MDFIC: variants seen among roughly 807,000 people sequenced by gnomAD.
The protein encoded by MDFIC is myoD family inhibitor domain-containing protein.
MDFIC carries 17 observed loss-of-function variants against 23.2 expected under a neutral mutation model. That is an observed-to-expected ratio of 0.73 (90% CI 0.50 to 1.10). MDFIC has a LOEUF of 1.10. Ranked by LOEUF, MDFIC falls within the 50% of genes least tolerant of loss-of-function variation. The probability of loss-of-function intolerance (pLI) is 0.00; values close to 1 mark genes in which losing one functional copy is unlikely to be tolerated. For synonymous variants in MDFIC, 120 were observed against 115.2 expected, an observed-to-expected ratio of 1.04 and a Z score of -0.27; for missense variants, 356 against 316.6, an observed-to-expected ratio of 1.12 and a Z score of -0.95.
chr7:114,961,018 G>T (rs914521443), intron 3 of MDFIC, among the ~76,000 whole-genome samples: 10 of 152,150 alleles, frequency 6.6e-5, no homozygotes, highest in Non-Finnish European at 1.3e-4. Context: ...GCTCTTGGAA[G>T]ATGGGATGAA....
At chr7:115,013,579 A>G (rs1287781376) in intron 4 of MDFIC, among the ~76,000 whole-genome samples, 1 of 152,226 alleles carries the variant, frequency 6.6e-6, no homozygotes, top group African/African-American at 2.4e-5. Flanking sequence ...TCAGTGAGGT[A>G]TTGTTGGAAT....
intron 4 of MDFIC, among the ~76,000 whole-genome samples, chr7:114,989,968 T>C (rs1384192450): frequency 2.0e-5 from 3 of 152,170 alleles, no homozygotes; most frequent in Non-Finnish European, 2.9e-5. Context: ...TAATTGAATT[T>C]AATCATAGCT....
At chr7:114,956,358 C>CAT (rs10671125) in intron 3 of MDFIC, among the ~76,000 whole-genome samples, 62,945 of 149,542 alleles carry the variant, frequency 0.42, 13,278 homozygotes, top group Middle Eastern at 0.46. Flanking sequence ...TACACACACA[C>CAT]ATATATATAT....
chr7:115,015,990 G>T lies in MDFIC; in HGVS notation c.*55G>T, dbSNP rs1019449907. ...GAGAGTGTTTAAAAATTTCCTTTTG[G>T]GGGGAAGAAAAGCACATTGTAAGAT... On this transcript the variant is annotated 3_prime_UTR_variant, in exon 5 of 5. Coordinates refer to ENST00000393486, the MANE Select transcript of MDFIC (RefSeq NM_001166345.3). The T allele has an allele frequency of 3.2e-6, 5 of 1,539,806 alleles. No homozygotes were observed. Among genetic ancestry groups the T allele is most frequent in the Admixed American group, 3.7e-5 (2 of 54,474 alleles).
intron 4 of MDFIC, among the ~76,000 whole-genome samples, chr7:114,986,002 C>T (rs947905465): frequency 1.3e-5 from 2 of 151,236 alleles, no homozygotes; most frequent in Admixed American, 6.6e-5. Context: ...ATTAACCTGC[C>T]CTACCATCTG....
intron 4 of MDFIC, among the ~76,000 whole-genome samples, chr7:114,989,161 G>C (rs188723784): frequency 6.6e-6 from 1 of 152,208 alleles, no homozygotes; most frequent in South Asian, 2.1e-4. Context: ...GGGGGAGACA[G>C]ACTGGAGATA....
chr7:114,956,863 T>G (rs961603452), intron 3 of MDFIC, among the ~76,000 whole-genome samples: 1 of 152,172 alleles, frequency 6.6e-6, no homozygotes, highest in African/African-American at 2.4e-5. Flanking sequence ...ATCTGAATAC[T>G]TAAAGACCTT....
rs763200345 is a variant in MDFIC, at chr7:114,922,909, T to C, written c.-107-18T>C. The C allele has an allele frequency of 3.2e-6, 5 of 1,573,558 alleles. No individual in the cohort carries two copies. Among genetic ancestry groups the C allele is most frequent in the Admixed American group, 1.8e-5 (1 of 56,514 alleles). Reference sequence around the variant, plus strand: ...CTAAAAACATTTTTTTTTTTAATTTTGTATATTTTTCCGCCAGAAGCAGTC... The same window carrying C: ...CTAAAAACATTTTTTTTTTTAATTTCGTATATTTTTCCGCCAGAAGCAGTC... On this transcript the variant is annotated intron_variant, in intron 1 of 4. Transcript: ENST00000393486.
At chr7:114,951,675 G>A (rs886957258) in intron 3 of MDFIC, among the ~76,000 whole-genome samples, 8 of 151,154 alleles carry the variant, frequency 5.3e-5, no homozygotes, top group Non-Finnish European at 1.2e-4. Context: ...TTTTTCCCAT[G>A]AAGTGAATTA....
intron 2 of MDFIC, among the ~76,000 whole-genome samples, chr7:114,938,257 G>A (rs1375128826): frequency 2.0e-5 from 3 of 152,116 alleles, no homozygotes; most frequent in Non-Finnish European, 4.4e-5. Context: ...TGCCCAGCCA[G>A]ATTTTGTATT....
chr7:114,940,554 T>A (rs888791763), intron 2 of MDFIC, among the ~76,000 whole-genome samples: 2 of 152,232 alleles, frequency 1.3e-5, no homozygotes, highest in Admixed American at 6.5e-5. Context: ...TTTCTTAATA[T>A]ATTCACTCTT....
intron 3 of MDFIC, among the ~76,000 whole-genome samples, chr7:114,954,673 AG>A (rs1183052886): frequency 3.3e-5 from 5 of 152,126 alleles, no homozygotes; most frequent in Admixed American, 6.6e-5. Flanking sequence ...GGGTCATTGT[AG>A]TTTATATTTA....
intron 4 of MDFIC, among the ~76,000 whole-genome samples, chr7:114,984,265 T>C (rs1354025761): frequency 6.6e-6 from 1 of 152,194 alleles, no homozygotes; most frequent in Admixed American, 6.5e-5. Context: ...ACACCTGTGC[T>C]CTCTGTTTTC....
intron 3 of MDFIC, among the ~76,000 whole-genome samples, chr7:114,953,885 A>AC (rs1792831908): frequency 6.6e-6 from 1 of 152,144 alleles, no homozygotes; most frequent in African/African-American, 2.4e-5. Flanking sequence ...GGGAATAATT[A>AC]AAGAAAAAAA....
intron 4 of MDFIC, among the ~76,000 whole-genome samples, chr7:115,010,057 C>T (rs1049369732): frequency 6.8e-6 from 1 of 147,772 alleles, no homozygotes; most frequent in Non-Finnish European, 1.5e-5. Flanking sequence ...ACCATAAAAA[C>T]TGAAATCTTA....
At chr7:114,947,494 A>G (rs1161752388) in intron 3 of MDFIC, among the ~76,000 whole-genome samples, 2 of 152,086 alleles carry the variant, frequency 1.3e-5, no homozygotes, top group Non-Finnish European at 2.9e-5. Context: ...GGGCTCCTGT[A>G]TTTATCTCAT....
rs149264021 is a variant in MDFIC, at chr7:114,970,918, G to T, written c.218-8588G>T. Among the ~76,000 whole-genome samples, 407 of 152,250 alleles carry T rather than the reference G, an allele frequency of 2.7e-3. 3 individuals carry two copies. The highest frequency in any genetic ancestry group is 8.9e-3 in the African/African-American group (369 of 41,550). ...ACTTCAGTTCTTCCTCTACTCACCA[G>T]CGCTTGAACCACAGCAAGCATGACT... On this transcript the variant is annotated intron_variant, in intron 3 of 4. Coordinates refer to ENST00000393486, the MANE Select transcript of MDFIC (RefSeq NM_001166345.3).
intron 2 of MDFIC, among the ~76,000 whole-genome samples, chr7:114,937,218 T>C (rs1792442290): frequency 6.6e-6 from 1 of 152,216 alleles, no homozygotes; most frequent in Non-Finnish European, 1.5e-5. Flanking sequence ...GATTGTTTCT[T>C]ACCATTCATG....
intron 2 of MDFIC, among the ~76,000 whole-genome samples, chr7:114,938,403 A>G (rs185991864): frequency 3.3e-5 from 5 of 152,328 alleles, no homozygotes; most frequent in Non-Finnish European, 7.4e-5. Flanking sequence ...TCAATATTTG[A>G]TATACCTAAG....
Sources: allele counts gnomAD v4.1 joint callset (sites outside exome capture counted in the v4.1 genomes callset), GRCh38; gene constraint gnomAD v4.1.1; transcripts MANE v1.5; gene names NCBI Gene and HGNC (gene_info 2026-07-23, HGNC 2026-07-21).